Variants in DPYSL3 observed in about 807,000 individuals in gnomAD.
The protein encoded by DPYSL3 is dihydropyrimidinase like 3, also known as dihydropyrimidinase-related protein 3.
In DPYSL3, 16 loss-of-function variants were observed where a neutral mutation model predicts 66.1. That is an observed-to-expected ratio of 0.24 (90% CI 0.16 to 0.37). The LOEUF (loss-of-function observed/expected upper bound fraction) is 0.37. Ranked by LOEUF, DPYSL3 falls within the 10% of genes least tolerant of loss-of-function variation. The probability of loss-of-function intolerance (pLI) is 1.00; values close to 1 mark genes in which losing one functional copy is unlikely to be tolerated. For synonymous variants in DPYSL3, 338 were observed against 345.1 expected, an observed-to-expected ratio of 0.98 and a Z score of 0.23; for missense variants, 738 against 916.2, an observed-to-expected ratio of 0.81 and a Z score of 2.51.
chr5:147,394,226 T>A, intron 13 of DPYSL3, 103 bp from the exon 14 acceptor site: 1 of 1,165,718 alleles, frequency 8.6e-7, no homozygotes, highest in Non-Finnish European at 1.2e-6. Context: ...GTGCAAGATA[T>A]GAAGTGCCTT....
At chr5:147,435,073 C>T (rs556458995) in intron 1 of DPYSL3, among the ~76,000 whole-genome samples, 5 of 151,998 alleles carry the variant, frequency 3.3e-5, no homozygotes, top group African/African-American at 1.2e-4. Flanking sequence ...CCTAAAACTT[C>T]TCTAAAAAAC....
intron 1 of DPYSL3, among the ~76,000 whole-genome samples, chr5:147,500,101 G>A (rs1753580216): frequency 6.6e-6 from 1 of 152,104 alleles, no homozygotes; most frequent in African/African-American, 2.4e-5. Context: ...TAACACAGAT[G>A]ACCTTGGGTA....
chr5:147,422,511 A>C (rs1196079998), intron 2 of DPYSL3, among the ~76,000 whole-genome samples: 1 of 152,230 alleles, frequency 6.6e-6, no homozygotes, highest in Non-Finnish European at 1.5e-5. Context: ...GTATATACCC[A>C]GAGGAATATA....
intron 1 of DPYSL3, among the ~76,000 whole-genome samples, chr5:147,496,679 G>A (rs1753516951): frequency 1.3e-5 from 2 of 152,144 alleles, no homozygotes; most frequent in Admixed American, 1.3e-4. Context: ...TCAGAAAAAT[G>A]CAAATCAAAA....
chr5:147,438,478 C>T (rs1005412061), intron 1 of DPYSL3, among the ~76,000 whole-genome samples: 5 of 152,206 alleles, frequency 3.3e-5, no homozygotes, highest in African/African-American at 1.2e-4. Flanking sequence ...TAAGGCTTTA[C>T]TCATACTAGG....
intron 2 of DPYSL3, among the ~76,000 whole-genome samples, chr5:147,421,408 C>T (rs1752074372): frequency 6.6e-6 from 1 of 152,124 alleles, no homozygotes; most frequent in African/African-American, 2.4e-5. Context: ...TAGGAAGAAT[C>T]AATATAATGA....
At chr5:147,491,669 T>C (rs922637250) in intron 1 of DPYSL3, among the ~76,000 whole-genome samples, 22 of 151,816 alleles carry the variant, frequency 1.4e-4, no homozygotes, top group African/African-American at 5.3e-4. Flanking sequence ...GTAGGCTCAT[T>C]AGTAGATTAG....
chr5:147,448,975 TG>T (rs1752677772), intron 1 of DPYSL3, among the ~76,000 whole-genome samples: 1 of 152,236 alleles, frequency 6.6e-6, no homozygotes, highest in Non-Finnish European at 1.5e-5. Flanking sequence ...CTTCTGTCTT[TG>T]ACTCTGGAAT....
intron 1 of DPYSL3, among the ~76,000 whole-genome samples, chr5:147,440,050 C>A (rs1752503623): frequency 1.3e-5 from 2 of 152,198 alleles, no homozygotes; most frequent in Non-Finnish European, 2.9e-5. Context: ...CGCCTGTAAT[C>A]CCAGCACTTT....
chr5:147,442,073 T>C (rs1484686428), intron 1 of DPYSL3, among the ~76,000 whole-genome samples: 1 of 152,198 alleles, frequency 6.6e-6, no homozygotes, highest in African/African-American at 2.4e-5. Context: ...AGTAATCTCA[T>C]CAAGATTTGA....
chr5:147,461,080 C>A (rs1036443950), intron 1 of DPYSL3, among the ~76,000 whole-genome samples: 1 of 152,118 alleles, frequency 6.6e-6, no homozygotes, highest in African/African-American at 2.4e-5. Flanking sequence ...AGATAAGCAG[C>A]CTGGAAGCTT....
intron 1 of DPYSL3, among the ~76,000 whole-genome samples, chr5:147,474,019 A>G (rs1471480482): frequency 6.6e-6 from 1 of 152,122 alleles, no homozygotes; most frequent in African/African-American, 2.4e-5. Context: ...CTGGACACAG[A>G]AACACCTGGT....
Position 147,412,666 on chromosome 5 carries a change from A to G in DPYSL3, c.905T>C (p.Leu302Pro), listed in dbSNP as rs1433481612. ...TTGAGCAATGGCCCCCAGCTCTCCC[A>G]GGCAGGTGAAGATCTCATAGAGCTG... is the stretch of plus-strand genomic sequence containing the variant. The part of the protein sequence containing the change: ...NTELYEIFTC[L>P]GELGAIAQVH... Residue 302 changes from leucine (L) to proline (P), a missense_variant, in exon 6 of 14, where the codon CTG becomes CCG. Leu to Pro is a moderately conservative substitution (Grantham distance 98, BLOSUM62 -3). Coordinates refer to ENST00000343218, the MANE Select transcript of DPYSL3 (RefSeq NM_001197294.2). 6.2e-7 allele frequency: 1 copy of G among 1,612,238 alleles called. No homozygotes were observed. Among genetic ancestry groups the G allele is most frequent in the Non-Finnish European group, 8.5e-7 (1 of 1,179,222 alleles).
intron 1 of DPYSL3, among the ~76,000 whole-genome samples, chr5:147,432,383 A>G (rs546421892): frequency 7.2e-5 from 11 of 152,296 alleles, no homozygotes; most frequent in Admixed American, 4.6e-4. Flanking sequence ...AATCAAAGCC[A>G]GCTATGTGCA....
At chr5:147,491,883 C>A (rs576994399) in intron 1 of DPYSL3, among the ~76,000 whole-genome samples, 1 of 151,964 alleles carries the variant, frequency 6.6e-6, no homozygotes, top group African/African-American at 2.4e-5. Context: ...ATATTTGAAG[C>A]AATAATGACT....
intron 11 of DPYSL3, 39 bp from the exon 12 acceptor site, chr5:147,397,884 A>ATATAAAGAG: frequency 6.4e-7 from 1 of 1,552,956 alleles, no homozygotes; most frequent in Non-Finnish European, 8.7e-7. Flanking sequence ...CAGTAAGGGT[A>ATATAAAGAG]GAGAAAGAGG....
chr5:147,397,566 G>A, intron 12 of DPYSL3, 100 bp downstream of exon 12: 1 of 1,220,366 alleles, frequency 8.2e-7, no homozygotes, highest in Non-Finnish European at 1.1e-6. Context: ...TTCTCTGTGA[G>A]AGTCTAGAGA....
intron 1 of DPYSL3, chr5:147,453,669 G>A (rs1752787652): frequency 1.1e-5 from 16 of 1,469,532 alleles, no homozygotes; most frequent in Middle Eastern, 2.1e-4. Context: ...AGCGCACAGC[G>A]CCCCGAGATC....
intron 11 of DPYSL3, among the ~76,000 whole-genome samples, chr5:147,398,119 T>G (rs1758051211): frequency 6.6e-6 from 1 of 152,194 alleles, no homozygotes; most frequent in African/African-American, 2.4e-5. Context: ...AAAGAGAAGC[T>G]GGATAACTAT....
Sources: gnomAD v4.1 joint callset for allele counts (sites outside exome capture counted in the v4.1 genomes callset) on GRCh38, gnomAD v4.1.1 for gene constraint, MANE v1.5 for transcripts, NCBI Gene and HGNC (gene_info 2026-07-23, HGNC 2026-07-21) for gene names.